Variants in RAPGEF1 observed in about 807,000 individuals in gnomAD.
RAPGEF1 encodes Rap guanine nucleotide exchange factor 1, also known as CRK SH3-binding GNRP.
RAPGEF1 carries 33 observed loss-of-function variants against 143.3 expected under a neutral mutation model. The observed-to-expected ratio is 0.23, with a 90% CI of 0.17 to 0.31. The LOEUF (loss-of-function observed/expected upper bound fraction) is 0.31, where lower values mean the gene tolerates loss of function less well. Ranked by LOEUF, RAPGEF1 falls within the 10% of genes least tolerant of loss-of-function variation. The probability of loss-of-function intolerance (pLI) is 1.00; values close to 1 mark genes in which losing one functional copy is unlikely to be tolerated. For synonymous variants in RAPGEF1, 629 were observed against 676.5 expected (o/e 0.93, Z 1.09); for missense variants, 1,199 against 1,645.4 (o/e 0.73, Z 4.69).
chr9:131,725,091 G>C (rs1836554210), intron 1 of RAPGEF1: 1 of 152,190 alleles, frequency 6.6e-6, no homozygotes, highest in South Asian at 2.1e-4. Context: ...GGTGTGAGCT[G>C]GTATCTCCCT....
intron 17 of RAPGEF1, among the ~76,000 whole-genome samples, chr9:131,594,013 C>G (rs1438870809): frequency 2.0e-5 from 3 of 152,220 alleles, no homozygotes; most frequent in Non-Finnish European, 4.4e-5. Flanking sequence ...AGCAATCCCA[C>G]AAGGACAGAG....
intron 5 of RAPGEF1, among the ~76,000 whole-genome samples, chr9:131,632,793 C>T (rs1479608942): frequency 6.6e-6 from 1 of 152,148 alleles, no homozygotes; most frequent in Non-Finnish European, 1.5e-5. Flanking sequence ...ATATGTAATA[C>T]AAAAAATATG....
At chr9:131,609,544 G>A (rs904844149) in intron 12 of RAPGEF1, among the ~76,000 whole-genome samples, 1 of 152,148 alleles carries the variant, frequency 6.6e-6, no homozygotes, top group Non-Finnish European at 1.5e-5. Context: ...GCTGAGACTT[G>A]ATCCATAAGC....
chr9:131,666,314 G>A (rs1347857311), intron 1 of RAPGEF1, among the ~76,000 whole-genome samples: 1 of 152,074 alleles, frequency 6.6e-6, no homozygotes, highest in African/African-American at 2.4e-5. Context: ...CCTCCTCTAG[G>A]TTCTAACGGA....
intron 1 of RAPGEF1, among the ~76,000 whole-genome samples, chr9:131,679,460 A>T (rs1335490371): frequency 6.6e-6 from 1 of 152,272 alleles, no homozygotes; most frequent in African/African-American, 2.4e-5. Context: ...GCTGTGATTC[A>T]GATGTTCCCA....
At chr9:131,726,445 G>A (rs1261411181) in intron 1 of RAPGEF1, among the ~76,000 whole-genome samples, 1 of 152,030 alleles carries the variant, frequency 6.6e-6, no homozygotes, top group Non-Finnish European at 1.5e-5. Flanking sequence ...TGGCCAATGT[G>A]GTGAAACCCG....
rs1471636411 is a variant in RAPGEF1, at chr9:131,675,023, G to A, written c.62-24074C>T. Among the ~76,000 whole-genome samples, 1 of 152,158 alleles carries A rather than the reference G, an allele frequency of 6.6e-6. No individual in the cohort carries two copies. Among genetic ancestry groups the A allele is most frequent in the Middle Eastern group, 3.2e-3 (1 of 316 alleles). On this transcript the variant is annotated intron_variant, in intron 1 of 26. Coordinates refer to ENST00000683357, the MANE Select transcript of RAPGEF1 (RefSeq NM_001377935.1). The surrounding 1 kb of genome is among the most constrained non-coding windows in gnomAD (Gnocchi z 4.6). Reference sequence around the variant, plus strand: ...GCAGGGACACTGGGGGGTTCTGGAGGAGCAGCTGGGAGGGAGGGAGCAGAG... The same window carrying A: ...GCAGGGACACTGGGGGGTTCTGGAGAAGCAGCTGGGAGGGAGGGAGCAGAG...
intron 1 of RAPGEF1, among the ~76,000 whole-genome samples, chr9:131,721,884 G>T (rs554152105): frequency 6.6e-6 from 1 of 152,304 alleles, no homozygotes; most frequent in African/African-American, 2.4e-5. Context: ...TTATCTGCAA[G>T]TACTATGCCA....
Position 131,718,502 on chromosome 9 carries a change from C to T in RAPGEF1, c.61+21268G>A, listed in dbSNP as rs548901464. Among the ~76,000 whole-genome samples the T allele has an allele frequency of 2.2e-3, 330 of 152,152 alleles. 2 individuals carry two copies. The highest frequency in any genetic ancestry group is 7.6e-3 in the African/African-American group (316 of 41,506). On this transcript the variant is annotated intron_variant, in intron 1 of 26. Transcript: ENST00000683357. ...GCAGTCCAGGGAGAAACGGCGGTGGCCTGGAGTAAGGGGTCAGCAGAGGAG... is the reference window on the plus strand; with the variant it reads ...GCAGTCCAGGGAGAAACGGCGGTGGTCTGGAGTAAGGGGTCAGCAGAGGAG...
At position 131,724,300 on chromosome 9, in the gene RAPGEF1, A is replaced by G. The variant is rs563241501; in HGVS notation, c.61+15470T>C. On this transcript the variant is annotated intron_variant, in intron 1 of 26. Coordinates refer to ENST00000683357, the MANE Select transcript of RAPGEF1 (RefSeq NM_001377935.1). The stretch of plus-strand genomic sequence containing the variant: ...GCAGACTGCCCATAGGGTTCATGGG[A>G]AAAAAGTCCACTCGGCCGGGCACGG... Among the ~76,000 whole-genome samples the G allele has an allele frequency of 1.1e-4, 16 of 152,304 alleles. No individual in the cohort carries two copies. In the East Asian group the frequency reaches 2.3e-3, roughly 22 times the overall value.
At position 131,672,949 on chromosome 9, in the gene RAPGEF1, C is replaced by T. The variant is rs73660029; in HGVS notation, c.62-22000G>A. On this transcript the variant is annotated intron_variant, in intron 1 of 26. Coordinates refer to ENST00000683357, the MANE Select transcript of RAPGEF1 (RefSeq NM_001377935.1). ...GCCAGTATCTCCTGAAGCCCTACTG[C>T]GTGTGTGGAGTGACAGACATAAGAA... 2.6e-3 allele frequency among the ~76,000 whole-genome samples: 391 copies of T among 152,272 alleles called. 1 individual carries two copies. The highest frequency in any genetic ancestry group is 9.0e-3 in the African/African-American group (372 of 41,556).
At chr9:131,736,913 C>A (rs1366860576) in intron 1 of RAPGEF1, among the ~76,000 whole-genome samples, 2 of 152,168 alleles carry the variant, frequency 1.3e-5, no homozygotes, top group African/African-American at 4.8e-5. Context: ...ATCAAATACT[C>A]CTCTGGAGAC....
intron 19 of RAPGEF1, 125 bp downstream of exon 19, chr9:131,589,761 C>G (rs1953874695): frequency 4.5e-6 from 4 of 880,308 alleles, no homozygotes; most frequent in Non-Finnish European, 5.5e-6. Flanking sequence ...AGGCCATTCT[C>G]TCAAAGGACC....
intron 20 of RAPGEF1, 85 bp downstream of exon 20, chr9:131,588,716 C>CT (rs1361734996): frequency 1.5e-6 from 2 of 1,375,772 alleles, no homozygotes; most frequent in Non-Finnish European, 2.0e-6. Flanking sequence ...CAGGATGGGG[C>CT]TGTGGGGCTG....
intron 1 of RAPGEF1, among the ~76,000 whole-genome samples, chr9:131,723,181 G>A (rs565839041): frequency 2.5e-4 from 38 of 152,270 alleles, no homozygotes; most frequent in Non-Finnish European, 4.7e-4. Context: ...GTGACAGAGC[G>A]AGACTCCGTC....
intron 12 of RAPGEF1, among the ~76,000 whole-genome samples, chr9:131,605,475 G>A (rs1279227816): frequency 6.6e-6 from 1 of 152,148 alleles, no homozygotes; most frequent in Admixed American, 6.5e-5. Flanking sequence ...ATGCTCTGCT[G>A]GGACAGAAAA....
At chr9:131,613,623 G>A (rs1430010291) in intron 12 of RAPGEF1, among the ~76,000 whole-genome samples, 2 of 152,170 alleles carry the variant, frequency 1.3e-5, no homozygotes, top group Non-Finnish European at 2.9e-5. Flanking sequence ...ATTGGGACAA[G>A]AGGGGCAGGA....
intron 1 of RAPGEF1, among the ~76,000 whole-genome samples, chr9:131,685,599 G>T (rs12686552): frequency 1.3e-5 from 2 of 152,296 alleles, no homozygotes; most frequent in East Asian, 1.9e-4. Context: ...TCCCATAAGG[G>T]ATACTTTTAG....
intron 12 of RAPGEF1, among the ~76,000 whole-genome samples, chr9:131,610,820 G>A (rs929645876): frequency 7.2e-5 from 11 of 152,302 alleles, no homozygotes; most frequent in East Asian, 1.9e-4. Flanking sequence ...TGACACCCAC[G>A]TGATTGTCTG....
Sources: allele counts gnomAD v4.1 joint callset (sites outside exome capture counted in the v4.1 genomes callset), GRCh38; gene constraint gnomAD v4.1.1; non-coding constraint Gnocchi (gnomAD v3.1); transcripts MANE v1.5; gene names NCBI Gene and HGNC (gene_info 2026-07-23, HGNC 2026-07-21).